CELF1: variants seen among roughly 807,000 people sequenced by gnomAD.
CELF1 encodes 50 kDa nuclear polyadenylated RNA-binding protein.
Under a neutral mutation model 61.8 loss-of-function variants are expected in CELF1, and 10 were observed. That is an observed-to-expected ratio of 0.16 (90% CI 0.10 to 0.27). The LOEUF (loss-of-function observed/expected upper bound fraction) is 0.27, where lower values mean the gene tolerates loss of function less well. Among genes scored for constraint, CELF1 ranks in the 10% least tolerant of loss-of-function variants. The probability of loss-of-function intolerance (pLI) is 1.00; values close to 1 mark genes in which losing one functional copy is unlikely to be tolerated. For missense variants in CELF1, 380 were observed against 639.1 expected, an observed-to-expected ratio of 0.59 and a Z score of 4.37; for synonymous variants, 236 against 225.1, an observed-to-expected ratio of 1.05 and a Z score of -0.43.
At chr11:47,536,155 G>A (rs1303540629) in intron 1 of CELF1, among the ~76,000 whole-genome samples, 1 of 152,124 alleles carries the variant, frequency 6.6e-6, no homozygotes, top group African/African-American at 2.4e-5. Flanking sequence ...AATCACTTGA[G>A]GCCAAGAGTT....
Position 47,472,143 on chromosome 11 carries a change from C to T in CELF1, c.*87G>A. 6.6e-7 allele frequency: 1 copy of T among 1,509,580 alleles called. No homozygotes were observed. Among genetic ancestry groups the T allele is most frequent in the South Asian group, 1.2e-5 (1 of 83,674 alleles). 93.5% of individuals were successfully genotyped at this position (1,509,580 alleles called of 1,614,324 possible). A position where few individuals can be genotyped will look rare whatever the true frequency, so the allele number is the denominator to read the frequency against. ...GGATCAGGGTCCAGGGCTGTCAACA[C>T]ACAGCCTCAGGGCTTCGAATCATTA... On this transcript the variant is annotated 3_prime_UTR_variant, in exon 15 of 15. Coordinates refer to ENST00000687097, the MANE Select transcript of CELF1 (RefSeq NM_001376376.1).
chr11:47,494,799 T>C (rs572591323), intron 3 of CELF1, among the ~76,000 whole-genome samples: 1 of 152,344 alleles, frequency 6.6e-6, no homozygotes, highest in South Asian at 2.1e-4. Context: ...AGCAATACGA[T>C]GATAGCCACT....
At chr11:47,514,255 T>C (rs2153618405) in intron 1 of CELF1, among the ~76,000 whole-genome samples, 1 of 152,188 alleles carries the variant, frequency 6.6e-6, no homozygotes, top group Non-Finnish European at 1.5e-5. Context: ...AATTCAATAT[T>C]ATACTAAGTA....
At chr11:47,508,675 A>C (rs1170082617) in intron 1 of CELF1, among the ~76,000 whole-genome samples, 2 of 148,950 alleles carry the variant, frequency 1.3e-5, no homozygotes, top group Non-Finnish European at 3.0e-5. Flanking sequence ...GGAAACCTCA[A>C]ACACACACAC....
At chr11:47,504,311 C>T (rs1445187616) in intron 1 of CELF1, among the ~76,000 whole-genome samples, 1 of 151,376 alleles carries the variant, frequency 6.6e-6, no homozygotes, top group East Asian at 2.0e-4. Flanking sequence ...TCTGGCTGGG[C>T]ACAGTGGGAA....
At chr11:47,505,903 C>T (rs2094450018) in intron 1 of CELF1, among the ~76,000 whole-genome samples, 1 of 148,144 alleles carries the variant, frequency 6.8e-6, no homozygotes, top group African/African-American at 2.5e-5. Flanking sequence ...CCACTGCACT[C>T]CAGCCTGGGT....
At chr11:47,532,269 A>AT (rs2096501145) in intron 1 of CELF1, among the ~76,000 whole-genome samples, 1 of 152,158 alleles carries the variant, frequency 6.6e-6, no homozygotes. Flanking sequence ...ACCTCAGGTG[A>AT]TCCACCTCGG....
chr11:47,548,735 G>A (rs1038633584), intron 1 of CELF1, among the ~76,000 whole-genome samples: 2 of 151,604 alleles, frequency 1.3e-5, no homozygotes, highest in Non-Finnish European at 2.9e-5. Context: ...GCGTGGTAGC[G>A]CATGACTGTA....
intron 1 of CELF1, among the ~76,000 whole-genome samples, chr11:47,542,104 G>A (rs1000717489): frequency 7.2e-5 from 11 of 152,116 alleles, no homozygotes; most frequent in Non-Finnish European, 4.4e-5. Context: ...GCGCGGTGGC[G>A]TGCGTCTGTA....
intron 1 of CELF1, among the ~76,000 whole-genome samples, chr11:47,518,072 C>T (rs1396708730): frequency 6.6e-5 from 10 of 152,140 alleles, no homozygotes; most frequent in Admixed American, 5.2e-4. Flanking sequence ...AAGGAAAACT[C>T]GTGGAACTAT....
At chr11:47,491,161 C>A (rs981790725) in intron 3 of CELF1, among the ~76,000 whole-genome samples, 1 of 151,372 alleles carries the variant, frequency 6.6e-6, no homozygotes, top group Admixed American at 6.6e-5. Flanking sequence ...CCGTGCCCAG[C>A]CTATTTCTTT....
intron 1 of CELF1, among the ~76,000 whole-genome samples, chr11:47,521,130 T>C (rs1389791050): frequency 6.6e-6 from 1 of 151,896 alleles, no homozygotes; most frequent in Non-Finnish European, 1.5e-5. Flanking sequence ...CGGGCGCCTG[T>C]AGTCCCAGCT....
rs770272288 is a variant in CELF1 at position 47,468,440 on chromosome 11, G to A, written c.*3790C>T. 15 of 152,596 alleles carry A rather than the reference G, an allele frequency of 9.8e-5. No individual in the cohort carries two copies. The highest frequency in any genetic ancestry group is 5.9e-4 in the Admixed American group (9 of 15,272). The allele number at this position is 152,596 out of a possible 1,614,324, so 9.5% of individuals were successfully genotyped here. On this transcript the variant is annotated 3_prime_UTR_variant, in exon 15 of 15. Coordinates refer to ENST00000687097, the MANE Select transcript of CELF1 (RefSeq NM_001376376.1). ...TTATTTCATTGTTTACTTCAAAGTTGTCTTTAAAACTAAGCACACAGAGAA... is the reference window on the plus strand; with the variant it reads ...TTATTTCATTGTTTACTTCAAAGTTATCTTTAAAACTAAGCACACAGAGAA...
chr11:47,552,908 G>T (rs1391532519), intron 1 of CELF1, 84 bp downstream of exon 1: 6 of 396,992 alleles, frequency 1.5e-5, no homozygotes, highest in African/African-American at 1.0e-4. Context: ...CTCCCTAACC[G>T]GACCCGCCCC....
intron 1 of CELF1, among the ~76,000 whole-genome samples, chr11:47,547,260 T>C (rs1169316360): frequency 6.6e-6 from 1 of 152,114 alleles, no homozygotes; most frequent in Non-Finnish European, 1.5e-5. Context: ...CTCTCTGTGA[T>C]TGGCAATCCA....
chr11:47,559,977 TG>T (rs766657544), intron 2 of CELF1, among the ~76,000 whole-genome samples: 5 of 142,956 alleles, frequency 3.5e-5, no homozygotes, highest in Non-Finnish European at 7.5e-5. Flanking sequence ...ATTCCACCCT[TG>T]GTGACAGAGC....
intron 1 of CELF1, among the ~76,000 whole-genome samples, chr11:47,502,947 C>T (rs907072959): frequency 6.6e-6 from 1 of 152,166 alleles, no homozygotes; most frequent in African/African-American, 2.4e-5. Flanking sequence ...CTTAACTTTC[C>T]CTCAGCCTCT....
intron 11 of CELF1, 111 bp downstream of exon 11, chr11:47,477,186 T>G: frequency 1.6e-6 from 2 of 1,246,752 alleles, no homozygotes; most frequent in South Asian, 2.7e-5. Context: ...GCTCATAATC[T>G]GACCTCTCTG....
chr11:47,489,064 T>C, intron 3 of CELF1, 40 bp from the exon 4 acceptor site: 3 of 1,428,394 alleles, frequency 2.1e-6, no homozygotes, highest in Non-Finnish European at 2.8e-6. Flanking sequence ...TGTAATAATG[T>C]TGCTTTCCAG....
Sources: allele counts gnomAD v4.1 joint callset (sites outside exome capture counted in the v4.1 genomes callset), GRCh38; gene constraint gnomAD v4.1.1; transcripts MANE v1.5; gene names NCBI Gene and HGNC (gene_info 2026-07-23, HGNC 2026-07-21).